The following NTRK3 variants were observed in gnomAD, a reference collection of about 807,000 sequenced individuals.
NTRK3 encodes neurotrophic receptor tyrosine kinase 3.
Under a neutral mutation model 91.7 loss-of-function variants are expected in NTRK3, and 24 were observed. The ratio of observed to expected loss-of-function variants is 0.26; its 90% CI spans 0.19 to 0.37. The LOEUF is 0.37. NTRK3 is among the 10% of genes least tolerant of loss of function. The pLI is 1.00. For missense variants in NTRK3, 880 were observed against 1,068.9 expected, an observed-to-expected ratio of 0.82 and a Z score of 2.46; for synonymous variants, 483 against 404.0, an observed-to-expected ratio of 1.20 and a Z score of -2.34.
At chr15:88,142,444 A>C (rs1319108472) in intron 6 of NTRK3, among the ~76,000 whole-genome samples, 1 of 152,244 alleles carries the variant, frequency 6.6e-6, no homozygotes, top group Non-Finnish European at 1.5e-5. Flanking sequence ...AAGGACAGGC[A>C]CTTTGCAGCA....
intron 5 of NTRK3, among the ~76,000 whole-genome samples, chr15:88,183,013 C>A (rs2046629151): frequency 8.8e-6 from 1 of 114,234 alleles, no homozygotes; most frequent in Non-Finnish European, 1.7e-5. Flanking sequence ...CTTCTTGCAA[C>A]CCCCCCCCGC....
intron 17 of NTRK3, among the ~76,000 whole-genome samples, chr15:87,884,346 T>C (rs536013387): frequency 6.6e-6 from 1 of 151,676 alleles, no homozygotes; most frequent in African/African-American, 2.4e-5. Flanking sequence ...AAAAAATCTA[T>C]ACATTAAAAA....
At chr15:88,239,936 T>C (rs1027739471) in intron 3 of NTRK3, among the ~76,000 whole-genome samples, 3 of 151,936 alleles carry the variant, frequency 2.0e-5, no homozygotes, top group Non-Finnish European at 4.4e-5. Flanking sequence ...AACTCTGGGG[T>C]GGGGCCCAGC....
intron 3 of NTRK3, among the ~76,000 whole-genome samples, chr15:88,186,983 G>C (rs531584536): frequency 2.9e-4 from 44 of 152,222 alleles, no homozygotes; most frequent in African/African-American, 9.9e-4. Flanking sequence ...TAACTGCCTC[G>C]TAAGAATGAT....
chr15:88,027,922 A>G (rs776852777), intron 14 of NTRK3, among the ~76,000 whole-genome samples: 2 of 152,204 alleles, frequency 1.3e-5, no homozygotes, highest in Non-Finnish European at 2.9e-5. Context: ...GCTATGGGTT[A>G]GAAGGAAGGA....
chr15:87,895,980 C>T (rs949484266), intron 17 of NTRK3, among the ~76,000 whole-genome samples: 1 of 152,036 alleles, frequency 6.6e-6, no homozygotes, highest in African/African-American at 2.4e-5. Context: ...CCTCACCTCC[C>T]CACGTTGACT....
At chr15:88,026,515 T>A (rs1411497397) in intron 14 of NTRK3, among the ~76,000 whole-genome samples, 1 of 152,134 alleles carries the variant, frequency 6.6e-6, no homozygotes, top group Non-Finnish European at 1.5e-5. Context: ...ACAGCGGACA[T>A]TTTGGACAGT....
At chr15:88,238,229 CTG>C (rs2051988970) in intron 3 of NTRK3, among the ~76,000 whole-genome samples, 1 of 152,144 alleles carries the variant, frequency 6.6e-6, no homozygotes, top group Non-Finnish European at 1.5e-5. Flanking sequence ...GCCACCCAGT[CTG>C]TGAGACCTTC....
intron 14 of NTRK3, among the ~76,000 whole-genome samples, chr15:87,981,990 C>A (rs2074322342): frequency 6.6e-6 from 1 of 152,160 alleles, no homozygotes; most frequent in Admixed American, 6.5e-5. Context: ...AAAGAGATAT[C>A]ATTGTAGCTT....
At chr15:88,211,341 A>C (rs2049228457) in intron 3 of NTRK3, among the ~76,000 whole-genome samples, 1 of 152,262 alleles carries the variant, frequency 6.6e-6, no homozygotes. Context: ...CATGTATCAA[A>C]ATGTCACTCT....
intron 13 of NTRK3, among the ~76,000 whole-genome samples, chr15:88,067,716 C>T (rs1229100080): frequency 6.6e-6 from 1 of 152,212 alleles, no homozygotes; most frequent in African/African-American, 2.4e-5. Flanking sequence ...TTGGTAGAAT[C>T]TAAATGCACA....
chr15:88,002,028 G>A (rs1163095525), intron 14 of NTRK3, among the ~76,000 whole-genome samples: 1 of 152,020 alleles, frequency 6.6e-6, no homozygotes, highest in Non-Finnish European at 1.5e-5. Flanking sequence ...GTAAAAATGA[G>A]TATAGATATC....
At chr15:87,908,569 A>C (rs1455636775) in intron 17 of NTRK3, 2 of 399,384 alleles carry the variant, frequency 5.0e-6, no homozygotes, top group East Asian at 7.1e-5. Context: ...CCTTCCTGAC[A>C]GTGAATGAGG....
At chr15:88,043,055 TTCCAGTAAAC>T (rs1199926249) in intron 13 of NTRK3, among the ~76,000 whole-genome samples, 4 of 152,330 alleles carry the variant, frequency 2.6e-5, no homozygotes, top group Non-Finnish European at 4.4e-5. Flanking sequence ...CCCATGACAT[TTCCAGTAAAC>T]TCCAAACCCA....
intron 18 of NTRK3, among the ~76,000 whole-genome samples, chr15:87,877,620 T>G (rs1277136459): frequency 1.3e-5 from 2 of 151,994 alleles, no homozygotes; most frequent in Non-Finnish European, 2.9e-5. Flanking sequence ...AGTTGCAGAC[T>G]CTGTGCACGT....
chr15:88,109,825 G>T (rs529715502), intron 13 of NTRK3, among the ~76,000 whole-genome samples: 2 of 152,130 alleles, frequency 1.3e-5, no homozygotes, highest in African/African-American at 4.8e-5. Context: ...AAAACCAAGT[G>T]TATGAACCAC....
intron 13 of NTRK3, among the ~76,000 whole-genome samples, chr15:88,049,705 T>TC (rs1029568360): frequency 6.6e-6 from 1 of 152,228 alleles, no homozygotes; most frequent in Non-Finnish European, 1.5e-5. Context: ...AGGGGATTCC[T>TC]CCCAAGGTGC....
intron 6 of NTRK3, among the ~76,000 whole-genome samples, chr15:88,145,780 A>T (rs1287843824): frequency 6.6e-6 from 1 of 152,182 alleles, no homozygotes; most frequent in Non-Finnish European, 1.5e-5. Context: ...TACATGCAAG[A>T]CACCCAAGAA....
At chr15:88,051,400 G>A (rs2080808353) in intron 13 of NTRK3, among the ~76,000 whole-genome samples, 1 of 152,184 alleles carries the variant, frequency 6.6e-6, no homozygotes, top group African/African-American at 2.4e-5. Context: ...TCTCTCGCTA[G>A]TGATTCTCTG....
Sources: gnomAD v4.1 joint callset for allele counts (sites outside exome capture counted in the v4.1 genomes callset) on GRCh38, gnomAD v4.1.1 for gene constraint, MANE v1.5 for transcripts, NCBI Gene and HGNC (gene_info 2026-07-23, HGNC 2026-07-21) for gene names.